Variants in MYO1D observed in about 807,000 individuals in gnomAD.
MYO1D encodes myosin ID.
In MYO1D, 83 loss-of-function variants were observed where a neutral mutation model predicts 122.0. The ratio of observed to expected loss-of-function variants is 0.68; its 90% confidence interval spans 0.57 to 0.82. MYO1D has a LOEUF of 0.82. MYO1D is among the 40% of genes least tolerant of loss of function. MYO1D has a pLI of 0.00. For missense variants in MYO1D, 1,157 were observed against 1,269.5 expected (o/e 0.91, Z 1.35); for synonymous variants, 464 against 446.9 (o/e 1.04, Z -0.48).
intron 16 of MYO1D, among the ~76,000 whole-genome samples, chr17:32,682,630 C>G (rs1259543431): frequency 1.4e-5 from 2 of 144,426 alleles, no homozygotes; most frequent in Non-Finnish European, 3.0e-5. Flanking sequence ...AGCTGTTAGT[C>G]TGATGGGCTT....
At chr17:32,678,043 G>A (rs1439333049) in intron 16 of MYO1D, among the ~76,000 whole-genome samples, 1 of 152,140 alleles carries the variant, frequency 6.6e-6, no homozygotes, top group African/African-American at 2.4e-5. Flanking sequence ...GCATCAAAAA[G>A]TGACAGAAGA....
At chr17:32,681,141 T>C (rs1791086986) in intron 16 of MYO1D, among the ~76,000 whole-genome samples, 1 of 151,948 alleles carries the variant, frequency 6.6e-6, no homozygotes, top group African/African-American at 2.4e-5. Context: ...TTCTTCTCTC[T>C]TTTTTTCTTT....
intron 20 of MYO1D, among the ~76,000 whole-genome samples, chr17:32,624,730 T>A (rs993974499): frequency 6.6e-6 from 1 of 150,724 alleles, no homozygotes; most frequent in Admixed American, 6.6e-5. Context: ...GGTGCTGTTT[T>A]TTCCCCCCTA....
intron 21 of MYO1D, among the ~76,000 whole-genome samples, chr17:32,572,114 A>G (rs2087235454): frequency 2.7e-5 from 4 of 149,392 alleles, no homozygotes; most frequent in Admixed American, 1.3e-4. Flanking sequence ...TCTTGACCAC[A>G]TTAAATAATA....
In MYO1D at chr17:32,803,399, T is replaced by G. The variant is rs534722935; in HGVS notation, c.96-22615A>C. ...CTGACCTCCTGATCTGCCCGCCTCG[T>G]CCTCCCAAAGTGCTGGGATTACAGG... On this transcript the variant is annotated intron_variant, in intron 1 of 21. Transcript: ENST00000318217. Among the ~76,000 whole-genome samples the G allele has an allele frequency of 6.6e-5, 10 of 152,086 alleles. No individual in the cohort carries two copies. In the East Asian group the frequency reaches 1.9e-3, roughly 29 times the overall value.
At chr17:32,673,090 CTTT>C (rs60912187) in intron 16 of MYO1D, among the ~76,000 whole-genome samples, 7 of 28,642 alleles carry the variant, frequency 2.4e-4, no homozygotes, top group East Asian at 6.8e-4. Context: ...AAACATGCTA[CTTT>C]TTTTTTTTTT....
chr17:32,828,515 CAAAA>C (rs137921871), intron 1 of MYO1D, among the ~76,000 whole-genome samples: 11 of 71,804 alleles, frequency 1.5e-4, no homozygotes, highest in Admixed American at 5.4e-4. Flanking sequence ...GACTCCGTCT[CAAAA>C]AAAAAAAAAA....
chr17:32,771,185 A>C lies in MYO1D; in HGVS notation c.654T>G (p.Ser218=). 1.2e-6 allele frequency: 2 copies of C among 1,612,004 alleles called. No individual in the cohort carries two copies. Among genetic ancestry groups the C allele is most frequent in the Non-Finnish European group, 8.5e-7 (1 of 1,178,294 alleles). The change falls in exon 6 of 22, where the codon TCT becomes TCG. Residue 218 remains serine (S), a synonymous_variant. Coordinates refer to ENST00000318217, the MANE Select transcript of MYO1D (RefSeq NM_015194.3). ...ATGAAAGGGATTTCTGGAGATGTAG[A>C]GAGCGTAGCATTTGTTCTGAACCTC... ...LQGGSEQMLR[S]LHLQKSLSSY... is the part of the protein sequence containing the mutation.
At chr17:32,563,206 C>CTTTTT (rs1279675450) in intron 21 of MYO1D, among the ~76,000 whole-genome samples, 25 of 95,978 alleles carry the variant, frequency 2.6e-4, no homozygotes, top group Admixed American at 5.6e-4. Flanking sequence ...TTTCTTCTCT[C>CTTTTT]TTTTTTTTTT....
intron 21 of MYO1D, among the ~76,000 whole-genome samples, chr17:32,502,582 G>T (rs1909351696): frequency 6.6e-6 from 1 of 152,148 alleles, no homozygotes; most frequent in Admixed American, 6.5e-5. Flanking sequence ...TTAAAATGTG[G>T]ATTGACCTAA....
At chr17:32,844,334 A>T (rs949331644) in intron 1 of MYO1D, among the ~76,000 whole-genome samples, 2 of 145,984 alleles carry the variant, frequency 1.4e-5, no homozygotes, top group African/African-American at 5.1e-5. Context: ...TATAATATGT[A>T]TATGTATATA....
intron 1 of MYO1D, among the ~76,000 whole-genome samples, chr17:32,842,209 C>T (rs2090889630): frequency 6.6e-6 from 1 of 152,034 alleles, no homozygotes; most frequent in Non-Finnish European, 1.5e-5. Context: ...ACTGGGAAGA[C>T]AGGGATACAA....
intron 16 of MYO1D, among the ~76,000 whole-genome samples, chr17:32,696,131 A>G (rs2089169207): frequency 6.6e-6 from 1 of 152,154 alleles, no homozygotes; most frequent in African/African-American, 2.4e-5. Flanking sequence ...TTCTAAGGTA[A>G]GCTCTTTAGA....
chr17:32,719,645 TG>T, intron 15 of MYO1D, among the ~76,000 whole-genome samples: 1 of 152,212 alleles, frequency 6.6e-6, no homozygotes, highest in African/African-American at 2.4e-5. Context: ...CCACTGCGCC[TG>T]GCCAACATCT....
chr17:32,872,560 C>T (rs1254222064), intron 1 of MYO1D, among the ~76,000 whole-genome samples: 1 of 151,988 alleles, frequency 6.6e-6, no homozygotes, highest in Non-Finnish European at 1.5e-5. Context: ...AGGCGTGAGC[C>T]ACCGCGCCCG....
chr17:32,566,194 T>TAAA (rs34582529), intron 21 of MYO1D, among the ~76,000 whole-genome samples: 1 of 150,838 alleles, frequency 6.6e-6, no homozygotes, highest in Admixed American at 6.6e-5. Flanking sequence ...AGATGTTAAA[T>TAAA]AAAAAAAAAG....
In MYO1D at chr17:32,666,585, CA is replaced by C. The variant is rs567574794; in HGVS notation, c.2122-7248del. On this transcript the variant is annotated intron_variant, in intron 16 of 21. Coordinates refer to ENST00000318217, the MANE Select transcript of MYO1D (RefSeq NM_015194.3). ...AACATCTAACAGTCATTAAACTTTG[CA>C]AAAAAAAGTAGGATTCTAGGTTGCA... Among the ~76,000 whole-genome samples, 344 of 151,716 alleles carry C rather than the reference CA, an allele frequency of 2.3e-3. 1 individual carries two copies. Among genetic ancestry groups the C allele is most frequent in the African/African-American group, 8.0e-3 (332 of 41,410 alleles).
intron 14 of MYO1D, among the ~76,000 whole-genome samples, chr17:32,724,973 A>G (rs1356312262): frequency 2.0e-5 from 3 of 152,236 alleles, no homozygotes; most frequent in Non-Finnish European, 2.9e-5. Flanking sequence ...GTAGCCAAGT[A>G]AACTGGAATT....
intron 1 of MYO1D, among the ~76,000 whole-genome samples, chr17:32,854,261 T>C (rs1447640162): frequency 1.3e-5 from 2 of 152,196 alleles, no homozygotes; most frequent in African/African-American, 4.8e-5. Context: ...AAGATCTAAC[T>C]CATAAGAGCT....
Sources: allele counts gnomAD v4.1 joint callset (sites outside exome capture counted in the v4.1 genomes callset), GRCh38; gene constraint gnomAD v4.1.1; transcripts MANE v1.5; gene names NCBI Gene and HGNC (gene_info 2026-07-23, HGNC 2026-07-21).